The following RSRC1 variants were observed in gnomAD, a reference collection of about 807,000 sequenced individuals.
The protein encoded by RSRC1 is arginine and serine rich coiled-coil 1, also known as serine/Arginine-related protein 53.
In RSRC1, 39 loss-of-function variants were observed where a neutral mutation model predicts 49.1. That is an observed-to-expected ratio of 0.79 (90% confidence interval 0.61 to 1.04). The LOEUF (loss-of-function observed/expected upper bound fraction) is 1.04, where lower values mean the gene tolerates loss of function less well. RSRC1 is among the 50% of genes least tolerant of loss of function. The pLI, the probability that RSRC1 is intolerant of heterozygous loss-of-function variation, is 0.00. For missense variants in RSRC1, 388 were observed against 402.4 expected (o/e 0.96, Z 0.31); for synonymous variants, 143 against 130.8 (o/e 1.09, Z -0.63).
intron 7 of RSRC1, among the ~76,000 whole-genome samples, chr3:158,517,879 G>C (rs9681566): frequency 5.5e-5 from 8 of 145,502 alleles, no homozygotes; most frequent in African/African-American, 7.6e-5. Context: ...GAGGATTATA[G>C]GCATGGGCCA....
chr3:158,391,224 T>C (rs1050533960), intron 6 of RSRC1, among the ~76,000 whole-genome samples: 1 of 152,204 alleles, frequency 6.6e-6, no homozygotes, highest in African/African-American at 2.4e-5. Context: ...TTGTATTTTT[T>C]AAGCAGTTTA....
At chr3:158,221,754 C>A (rs535633104) in intron 4 of RSRC1, among the ~76,000 whole-genome samples, 6 of 151,464 alleles carry the variant, frequency 4.0e-5, no homozygotes, top group Non-Finnish European at 5.9e-5. Context: ...CCTGCCAGTT[C>A]TTCAAAATAG....
intron 7 of RSRC1, among the ~76,000 whole-genome samples, chr3:158,500,728 T>C (rs1739556105): frequency 6.6e-6 from 1 of 152,184 alleles, no homozygotes; most frequent in Non-Finnish European, 1.5e-5. Flanking sequence ...TTTCATTTCT[T>C]AATGAGGTTA....
chr3:158,480,333 G>C (rs549094503), intron 7 of RSRC1, among the ~76,000 whole-genome samples: 2 of 151,828 alleles, frequency 1.3e-5, no homozygotes, highest in South Asian at 4.1e-4. Flanking sequence ...TCAACTAAGT[G>C]TATGTTTTTA....
At chr3:158,396,696 T>C (rs1376920651) in intron 6 of RSRC1, among the ~76,000 whole-genome samples, 1 of 152,080 alleles carries the variant, frequency 6.6e-6, no homozygotes, top group Non-Finnish European at 1.5e-5. Context: ...AAATTGAGTT[T>C]AGGATATCTG....
At chr3:158,512,608 G>A (rs1177818265) in intron 7 of RSRC1, among the ~76,000 whole-genome samples, 1 of 151,936 alleles carries the variant, frequency 6.6e-6, no homozygotes, top group Admixed American at 6.6e-5. Context: ...GCTCTTTTTT[G>A]GTTCCATATA....
At chr3:158,363,430 A>G (rs1418703377) in intron 6 of RSRC1, among the ~76,000 whole-genome samples, 1 of 151,874 alleles carries the variant, frequency 6.6e-6, no homozygotes, top group Non-Finnish European at 1.5e-5. Flanking sequence ...CACCCAGCTA[A>G]TTTTTTGTAT....
chr3:158,242,032 CTTTT>C (rs34356543), intron 4 of RSRC1, among the ~76,000 whole-genome samples: 52 of 66,630 alleles, frequency 7.8e-4, no homozygotes, highest in African/African-American at 3.1e-3. Flanking sequence ...AATTTCCAAC[CTTTT>C]TTTTTTTTTT....
chr3:158,192,774 A>T (rs997230712), intron 3 of RSRC1, among the ~76,000 whole-genome samples: 1 of 152,010 alleles, frequency 6.6e-6, no homozygotes, highest in African/African-American at 2.4e-5. Context: ...TCTTCCTGTT[A>T]ATAGCAAACC....
At chr3:158,346,409 A>G (rs1259152363) in intron 5 of RSRC1, among the ~76,000 whole-genome samples, 19 of 152,242 alleles carry the variant, frequency 1.2e-4, no homozygotes, top group Admixed American at 1.2e-3. Context: ...TATATGAAAT[A>G]AATTACTTTT....
intron 7 of RSRC1, among the ~76,000 whole-genome samples, chr3:158,465,263 G>T (rs1478701177): frequency 3.3e-5 from 5 of 152,086 alleles, no homozygotes; most frequent in African/African-American, 1.2e-4. Flanking sequence ...TCAGAATCTG[G>T]ACCAGAGCCA....
At chr3:158,358,694 A>G (rs1352494113) in intron 6 of RSRC1, among the ~76,000 whole-genome samples, 1 of 152,122 alleles carries the variant, frequency 6.6e-6, no homozygotes, top group Non-Finnish European at 1.5e-5. Context: ...CATCAATTCT[A>G]TCTAGTTCTA....
At chr3:158,254,684 G>A (rs886561838) in intron 4 of RSRC1, among the ~76,000 whole-genome samples, 7 of 151,930 alleles carry the variant, frequency 4.6e-5, no homozygotes, top group African/African-American at 9.7e-5. Context: ...CACCCACCTC[G>A]GCCTCTCAAA....
At chr3:158,243,815 AATTC>A (rs1211632499) in intron 4 of RSRC1, among the ~76,000 whole-genome samples, 2 of 152,188 alleles carry the variant, frequency 1.3e-5, no homozygotes. Flanking sequence ...TGTGAATGGG[AATTC>A]ATTCATGATT....
intron 7 of RSRC1, among the ~76,000 whole-genome samples, chr3:158,521,690 C>CTTA (rs3037131): frequency 0.52 from 78,181 of 151,458 alleles, 20,598 homozygotes; most frequent in African/African-American, 0.62. Flanking sequence ...CTGGAGTTGC[C>CTTA]TTATTATATT....
intron 5 of RSRC1, among the ~76,000 whole-genome samples, chr3:158,346,108 A>C (rs79822387): frequency 1.3e-5 from 2 of 152,126 alleles, no homozygotes; most frequent in African/African-American, 4.8e-5. Flanking sequence ...ACTTCAGATT[A>C]GGTAAAGATT....
intron 6 of RSRC1, among the ~76,000 whole-genome samples, chr3:158,361,449 G>A (rs560466246): frequency 9.2e-5 from 14 of 152,230 alleles, no homozygotes; most frequent in Admixed American, 7.2e-4. Context: ...CAGCACAGCC[G>A]GCTGCCTTGG....
At chr3:158,280,769 C>G (rs760099224) in intron 4 of RSRC1, among the ~76,000 whole-genome samples, 1 of 150,434 alleles carries the variant, frequency 6.6e-6, no homozygotes, top group Non-Finnish European at 1.5e-5. Flanking sequence ...GCCTCAGCCT[C>G]CTGAGTAGCT....
At chr3:158,261,575 G>A (rs1375748037) in intron 4 of RSRC1, among the ~76,000 whole-genome samples, 1 of 152,200 alleles carries the variant, frequency 6.6e-6, no homozygotes, top group Non-Finnish European at 1.5e-5. Flanking sequence ...CACAGCAGGA[G>A]GTGAGTTGTG....
Sources: gnomAD v4.1 joint callset for allele counts (sites outside exome capture counted in the v4.1 genomes callset) on GRCh38, gnomAD v4.1.1 for gene constraint, MANE v1.5 for transcripts, NCBI Gene and HGNC (gene_info 2026-07-23, HGNC 2026-07-21) for gene names.